PCDH15: variants seen among roughly 807,000 people sequenced by gnomAD.
PCDH15 encodes the protein protocadherin-15.
Under a neutral mutation model 178.5 loss-of-function variants are expected in PCDH15, and 129 were observed. That is an observed-to-expected ratio of 0.72 (90% CI 0.63 to 0.84). The LOEUF (loss-of-function observed/expected upper bound fraction) is 0.84, where lower values mean the gene tolerates loss of function less well. PCDH15 is among the 40% of genes least tolerant of loss of function. PCDH15 has a pLI of 0.00. For missense variants in PCDH15, 2,230 were observed against 2,099.9 expected (o/e 1.06, Z -1.21); for synonymous variants, 800 against 732.0 (o/e 1.09, Z -1.50).
chr10:53,904,056 T>C (rs950707195), intron 25 of PCDH15, among the ~76,000 whole-genome samples: 1 of 152,166 alleles, frequency 6.6e-6, no homozygotes, highest in African/African-American at 2.4e-5. Flanking sequence ...CATCAAATGT[T>C]AGAACCTCCC....
Position 55,273,591 on chromosome 10 carries a change from T to A in PCDH15, c.-156+46008A>T, listed in dbSNP as rs564430779. Reference sequence around the variant, plus strand: ...ATGTTAACATTTCTATATATAGATATGTACCTAAGTAACAAAACAAATTAT... The same window carrying A: ...ATGTTAACATTTCTATATATAGATAAGTACCTAAGTAACAAAACAAATTAT... On this transcript the variant is annotated intron_variant, in intron 1 of 5. Transcript: ENST00000458638. Among the ~76,000 whole-genome samples the A allele has an allele frequency of 4.6e-5, 7 of 152,146 alleles. No individual in the cohort carries two copies. The South Asian group carries it at 1.0e-3, about 23-fold the overall frequency.
chr10:54,248,431 T>C (rs1240717530), intron 8 of PCDH15, among the ~76,000 whole-genome samples: 1 of 152,062 alleles, frequency 6.6e-6, no homozygotes, highest in Non-Finnish European at 1.5e-5. Flanking sequence ...TACTTTTATA[T>C]CCAATAATAA....
In PCDH15 at chr10:54,427,269, G is replaced by GTTTTTT. The variant is rs71007854; in HGVS notation, c.158-48333_158-48328dup. ...CCTCTCATTTCTTTCTCTTTTTCTG[G>GTTTTTT]TTTTTTTTTTTTTTTTTTTTTTTTT... On this transcript the variant is annotated intron_variant, in intron 3 of 37. Coordinates refer to ENST00000644397, the MANE Select transcript of PCDH15 (RefSeq NM_001384140.1). Among the ~76,000 whole-genome samples, 4 of 56,760 alleles carry GTTTTTT rather than the reference G, an allele frequency of 7.0e-5. 1 individual carries two copies. Among genetic ancestry groups the GTTTTTT allele is most frequent in the African/African-American group, 2.5e-4 (3 of 12,044 alleles). The allele number at this position is 56,760 out of a possible 152,430, so 37.2% of individuals were successfully genotyped here. A position where few individuals can be genotyped will look rare whatever the true frequency, so the allele number is the denominator to read the frequency against.
intron 32 of PCDH15, among the ~76,000 whole-genome samples, chr10:53,827,176 T>G (rs1264201593): frequency 1.3e-5 from 2 of 152,146 alleles, no homozygotes; most frequent in African/African-American, 2.4e-5. Context: ...AATTCTGCTT[T>G]TCTCTTAGCT....
intron 3 of PCDH15, among the ~76,000 whole-genome samples, chr10:54,434,787 T>A (rs1182782692): frequency 1.3e-5 from 2 of 152,184 alleles, no homozygotes; most frequent in Non-Finnish European, 2.9e-5. Flanking sequence ...GTAAAAAGAA[T>A]CCCTTAACAC....
chr10:54,276,376 A>G (rs1413087140), intron 8 of PCDH15, among the ~76,000 whole-genome samples: 1 of 151,804 alleles, frequency 6.6e-6, no homozygotes, highest in African/African-American at 2.4e-5. Flanking sequence ...CCAACTGAAT[A>G]CTAAATATTA....
At chr10:54,643,914 C>T (rs2094056792) in intron 2 of PCDH15, among the ~76,000 whole-genome samples, 1 of 148,448 alleles carries the variant, frequency 6.7e-6, no homozygotes, top group East Asian at 2.0e-4. Flanking sequence ...GTGTGCTGCA[C>T]CCATTAACTC....
intron 13 of PCDH15, among the ~76,000 whole-genome samples, chr10:54,167,313 C>T (rs2046334520): frequency 6.6e-6 from 1 of 152,164 alleles, no homozygotes; most frequent in African/African-American, 2.4e-5. Flanking sequence ...CAACCTCTCT[C>T]ACTGTCCCTC....
chr10:55,380,361 AG>A (rs1332567893), intron 2 of PCDH15, among the ~76,000 whole-genome samples: 1 of 152,190 alleles, frequency 6.6e-6, no homozygotes, highest in Non-Finnish European at 1.5e-5. Context: ...TTAATGATAC[AG>A]GGTGTACTTA....
intron 1 of PCDH15, among the ~76,000 whole-genome samples, chr10:55,227,613 A>G (rs1841089085): frequency 6.6e-6 from 1 of 152,140 alleles, no homozygotes; most frequent in Admixed American, 6.5e-5. Flanking sequence ...TACAAATGTA[A>G]GGCTTAAGTC....
chr10:55,340,457 T>C (rs954320815), intron 2 of PCDH15, among the ~76,000 whole-genome samples: 8 of 151,928 alleles, frequency 5.3e-5, no homozygotes, highest in Admixed American at 6.6e-5. Flanking sequence ...CATCTCATAC[T>C]AGACTACTCA....
At position 54,519,556 on chromosome 10, in the gene PCDH15, T is replaced by C. The variant is rs1589851293; in HGVS notation, c.157+8256A>G. Reference sequence around the variant, plus strand: ...AACTACAAACCACTGCTCAATGAAATAAAAGAGGATACAAACAAATGGAAG... The same window carrying C: ...AACTACAAACCACTGCTCAATGAAACAAAAGAGGATACAAACAAATGGAAG... On this transcript the variant is annotated intron_variant, in intron 3 of 37. Coordinates refer to ENST00000644397, the MANE Select transcript of PCDH15 (RefSeq NM_001384140.1). Among the ~76,000 whole-genome samples the C allele has an allele frequency of 7.2e-5, 11 of 152,200 alleles. 1 individual carries two copies. The South Asian group carries it at 2.3e-3, about 32-fold the overall frequency.
At chr10:55,478,974 T>G (rs867662491) in intron 2 of PCDH15, among the ~76,000 whole-genome samples, 25 of 149,816 alleles carry the variant, frequency 1.7e-4, no homozygotes, top group Admixed American at 4.0e-4. Flanking sequence ...TAATAATGAT[T>G]AATGAGATTA....
At chr10:54,149,262 C>T (rs2044279254) in intron 14 of PCDH15, among the ~76,000 whole-genome samples, 1 of 152,050 alleles carries the variant, frequency 6.6e-6, no homozygotes, top group African/African-American at 2.4e-5. Flanking sequence ...AATTTATATT[C>T]TTTATATACT....
intron 4 of PCDH15, among the ~76,000 whole-genome samples, chr10:54,376,709 T>C (rs1948493628): frequency 1.3e-5 from 2 of 151,998 alleles, no homozygotes; most frequent in East Asian, 1.9e-4. Flanking sequence ...ATTTACATAA[T>C]ATTATTATTT....
At chr10:53,845,148 GA>G (rs1295717546) in intron 28 of PCDH15, among the ~76,000 whole-genome samples, 1 of 151,866 alleles carries the variant, frequency 6.6e-6, no homozygotes, top group Non-Finnish European at 1.5e-5. Context: ...TCAAGGCAAT[GA>G]AAATCAAAAT....
chr10:55,196,948 C>T (rs1383117616), intron 1 of PCDH15, among the ~76,000 whole-genome samples: 1 of 151,952 alleles, frequency 6.6e-6, no homozygotes, highest in African/African-American at 2.4e-5. Flanking sequence ...AAAATTATCA[C>T]CTCTACCCAA....
intron 2 of PCDH15, among the ~76,000 whole-genome samples, chr10:55,363,549 A>AAT (rs1845280490): frequency 6.6e-6 from 1 of 152,194 alleles, no homozygotes; most frequent in Non-Finnish European, 1.5e-5. Context: ...CTAGTAACAC[A>AAT]ATATATCATC....
intron 2 of PCDH15, among the ~76,000 whole-genome samples, chr10:55,373,381 T>C (rs1346439555): frequency 6.6e-6 from 1 of 152,120 alleles, no homozygotes; most frequent in Non-Finnish European, 1.5e-5. Context: ...GAATTTGTGC[T>C]AGAACGGGCA....
Sources: gnomAD v4.1 joint callset for allele counts (sites outside exome capture counted in the v4.1 genomes callset) on GRCh38, gnomAD v4.1.1 for gene constraint, MANE v1.5 for transcripts, NCBI Gene and HGNC (gene_info 2026-07-23, HGNC 2026-07-21) for gene names.